HMGA2: variants seen among roughly 807,000 people sequenced by gnomAD.
The protein encoded by HMGA2 is high mobility group protein HMGI-C.
Under a neutral mutation model 19.1 loss-of-function variants are expected in HMGA2, and 8 were observed. The ratio of observed to expected loss-of-function variants is 0.42; its 90% confidence interval spans 0.25 to 0.76. HMGA2 has a LOEUF of 0.76. HMGA2 is among the 30% of genes least tolerant of loss of function. The pLI is 0.28. For synonymous variants in HMGA2, 60 were observed against 48.8 expected (o/e 1.23, Z -0.96); for missense variants, 109 against 136.3 (o/e 0.80, Z 1.00).
chr12:65,937,150 C>G (rs979711630), intron 3 of HMGA2, among the ~76,000 whole-genome samples: 1 of 151,956 alleles, frequency 6.6e-6, no homozygotes, highest in African/African-American at 2.4e-5. Flanking sequence ...TAAAAGCTAC[C>G]ACCACCAACA....
chr12:65,892,147 C>T (rs974740110), intron 3 of HMGA2, among the ~76,000 whole-genome samples: 9 of 152,176 alleles, frequency 5.9e-5, no homozygotes, highest in Admixed American at 6.5e-5. Flanking sequence ...GGGAACATAC[C>T]GTGGTAGCAG....
At chr12:65,904,903 A>G (rs770791062) in intron 3 of HMGA2, among the ~76,000 whole-genome samples, 1 of 152,046 alleles carries the variant, frequency 6.6e-6, no homozygotes, top group South Asian at 2.1e-4. Context: ...TTAGCTGGGC[A>G]TGGTGGTGGG....
chr12:65,948,951 C>T (rs1876360040), intron 3 of HMGA2, among the ~76,000 whole-genome samples: 1 of 152,140 alleles, frequency 6.6e-6, no homozygotes, highest in African/African-American at 2.4e-5. Context: ...ACCAGTCAGC[C>T]TGCAAGAATG....
chr12:65,911,677 T>C (rs1874851721), intron 3 of HMGA2, among the ~76,000 whole-genome samples: 1 of 152,212 alleles, frequency 6.6e-6, no homozygotes, highest in African/African-American at 2.4e-5. Context: ...AGAATTTTCA[T>C]CAATACCAAA....
At chr12:65,943,704 G>A (rs1166447417) in intron 3 of HMGA2, among the ~76,000 whole-genome samples, 4 of 152,080 alleles carry the variant, frequency 2.6e-5, no homozygotes, top group Non-Finnish European at 5.9e-5. Context: ...CGCTTCTTAG[G>A]AGACTTTGTA....
At chr12:65,863,651 A>G (rs1872229415) in intron 3 of HMGA2, among the ~76,000 whole-genome samples, 1 of 152,234 alleles carries the variant, frequency 6.6e-6, no homozygotes, top group Non-Finnish European at 1.5e-5. Context: ...ATTCATTCAC[A>G]AGAAAAGTCC....
intron 3 of HMGA2, among the ~76,000 whole-genome samples, chr12:65,864,168 G>C (rs1872261154): frequency 6.6e-6 from 1 of 151,972 alleles, no homozygotes. Context: ...AACTAAGTAG[G>C]GCCCATTTCC....
chr12:65,851,832 C>T (rs1329894696), intron 3 of HMGA2, among the ~76,000 whole-genome samples: 4 of 152,166 alleles, frequency 2.6e-5, no homozygotes, highest in Non-Finnish European at 4.4e-5. Context: ...TGGAACACTA[C>T]GTTCGTGATG....
At chr12:65,939,229 T>A (rs1876001382) in intron 3 of HMGA2, among the ~76,000 whole-genome samples, 1 of 152,226 alleles carries the variant, frequency 6.6e-6, no homozygotes, top group Non-Finnish European at 1.5e-5. Context: ...CTCTGCTCAA[T>A]GTTTGTAAAC....
At chr12:65,962,479 A>G (rs532270161) in intron 4 of HMGA2, among the ~76,000 whole-genome samples, 32 of 152,304 alleles carry the variant, frequency 2.1e-4, no homozygotes, top group Admixed American at 1.3e-3. Context: ...GTCGATGCGG[A>G]TTAGTATTGA....
At chr12:65,902,167 T>A (rs962906361) in intron 3 of HMGA2, among the ~76,000 whole-genome samples, 3 of 145,670 alleles carry the variant, frequency 2.1e-5, no homozygotes, top group African/African-American at 8.0e-5. Flanking sequence ...CTTTTAAGAG[T>A]TTTTTTTTTC....
At chr12:65,839,254 A>G (rs1249985612) in intron 3 of HMGA2, among the ~76,000 whole-genome samples, 1 of 151,986 alleles carries the variant, frequency 6.6e-6, no homozygotes, top group Non-Finnish European at 1.5e-5. Context: ...GAGCTTTGCT[A>G]ATTTTACTGC....
chr12:65,876,737 G>C (rs889927685), intron 3 of HMGA2: 1 of 152,120 alleles, frequency 6.6e-6, no homozygotes, highest in African/African-American at 2.4e-5. Context: ...TTCAAATTAA[G>C]GTTTTGAGTA....
In HMGA2 at chr12:65,861,320, C is replaced by T. The variant is rs550626372; in HGVS notation, c.249+22751C>T. On this transcript the variant is annotated intron_variant, in intron 3 of 4. Coordinates refer to ENST00000403681, the MANE Select transcript of HMGA2 (RefSeq NM_003483.6). ...GGTGGAGGTTGCAGTGAGCCCAGAT[C>T]GTGCCACCGCACCTCCAGCCTGGCG... 2.4e-4 allele frequency among the ~76,000 whole-genome samples: 36 copies of T among 152,154 alleles called. 1 individual carries two copies. In the Middle Eastern group the frequency reaches 0.01, roughly 43 times the overall value.
At chr12:65,840,243 A>G (rs1408686135) in intron 3 of HMGA2, among the ~76,000 whole-genome samples, 1 of 152,192 alleles carries the variant, frequency 6.6e-6, no homozygotes, top group East Asian at 1.9e-4. Flanking sequence ...ATAGTGTAAA[A>G]AAACTATTTT....
intron 4 of HMGA2, chr12:65,956,816 C>G (rs1876618911): frequency 6.6e-6 from 1 of 152,044 alleles, no homozygotes; most frequent in African/African-American, 2.4e-5. Flanking sequence ...GAATTTTCCT[C>G]TACATTTTGA....
intron 3 of HMGA2, among the ~76,000 whole-genome samples, chr12:65,906,082 A>G (rs935178568): frequency 7.9e-5 from 12 of 152,236 alleles, no homozygotes; most frequent in Non-Finnish European, 1.5e-4. Context: ...TGCTATGAAT[A>G]CCAATCATAG....
At chr12:65,937,128 T>C (rs1875924607) in intron 3 of HMGA2, among the ~76,000 whole-genome samples, 2 of 152,210 alleles carry the variant, frequency 1.3e-5, no homozygotes, top group South Asian at 4.2e-4. Context: ...TTTAAAAAAA[T>C]TAATTTTTTT....
At chr12:65,932,147 G>C (rs1875737082) in intron 3 of HMGA2, among the ~76,000 whole-genome samples, 1 of 152,160 alleles carries the variant, frequency 6.6e-6, no homozygotes, top group Non-Finnish European at 1.5e-5. Context: ...AGGGAAGTGA[G>C]AGCTGGAGTC....
Sources: gnomAD v4.1 joint callset for allele counts (sites outside exome capture counted in the v4.1 genomes callset) on GRCh38, gnomAD v4.1.1 for gene constraint, MANE v1.5 for transcripts, NCBI Gene and HGNC (gene_info 2026-07-23, HGNC 2026-07-21) for gene names.